KCND2: variants seen among roughly 807,000 people sequenced by gnomAD.
KCND2 encodes the protein A-type voltage-gated potassium channel KCND2.
A neutral mutation model predicts 54.4 loss-of-function variants in KCND2; 16 were observed. The ratio of observed to expected loss-of-function variants is 0.29; its 90% CI spans 0.20 to 0.45. The LOEUF is 0.45. Among genes scored for constraint, KCND2 ranks in the 20% least tolerant of loss-of-function variants. The pLI is 1.00. For missense variants in KCND2, 486 were observed against 824.2 expected (o/e 0.59, Z 5.02); for synonymous variants, 317 against 310.7 (o/e 1.02, Z -0.21).
intron 1 of KCND2, among the ~76,000 whole-genome samples, chr7:120,512,541 TAATC>T (rs1449668276): frequency 6.6e-6 from 1 of 152,020 alleles, no homozygotes; most frequent in Non-Finnish European, 1.5e-5. Flanking sequence ...ATCAAATAAT[TAATC>T]ATTCATTGCC....
intron 1 of KCND2, among the ~76,000 whole-genome samples, chr7:120,319,886 G>T (rs910238402): frequency 6.6e-6 from 1 of 151,870 alleles, no homozygotes; most frequent in Non-Finnish European, 1.5e-5. Context: ...TGCTTTTAAA[G>T]CCATGCAGTT....
intron 1 of KCND2, among the ~76,000 whole-genome samples, chr7:120,407,462 T>C (rs2116097625): frequency 6.6e-6 from 1 of 152,118 alleles, no homozygotes; most frequent in South Asian, 2.1e-4. Context: ...ACTGTAGTGT[T>C]TAGGCACATG....
chr7:120,732,913 A>G lies in KCND2; in HGVS notation c.1126A>G (p.Met376Val). 1 of 1,613,348 alleles carries G rather than the reference A, an allele frequency of 6.2e-7. No individual in the cohort carries two copies. The change falls in exon 2 of 6, where the codon ATG (methionine) becomes GTG (valine). Residue 376 changes from methionine to valine, a missense_variant. Around this residue, in one of 7 missense-constraint regions of KCND2, gnomAD observed 7 missense variants for 41.0 expected, o/e 0.17. Coordinates refer to ENST00000331113, the MANE Select transcript of KCND2 (RefSeq NM_012281.3). ...TTTTCTTTAACTCAGGTATGGTGACATGGTGCCAAAAACCATAGCAGGGAA... is the reference window on the plus strand; with the variant it reads ...TTTTCTTTAACTCAGGTATGGTGACGTGGTGCCAAAAACCATAGCAGGGAA... ...VTMTTLGYGD[M>V]VPKTIAGKIF...
At chr7:120,454,728 G>C (rs551376074) in intron 1 of KCND2, among the ~76,000 whole-genome samples, 1 of 151,962 alleles carries the variant, frequency 6.6e-6, no homozygotes, top group South Asian at 2.1e-4. Flanking sequence ...AATAGTAAGA[G>C]AGAAAGTCAT....
chr7:120,672,856 G>T (rs1392870343), intron 1 of KCND2: 1 of 152,104 alleles, frequency 6.6e-6, no homozygotes, highest in Non-Finnish European at 1.5e-5. Flanking sequence ...CTTATACAAA[G>T]AGGAAATTTC....
intron 1 of KCND2, among the ~76,000 whole-genome samples, chr7:120,604,155 A>G (rs1792848735): frequency 6.6e-6 from 1 of 152,150 alleles, no homozygotes; most frequent in Admixed American, 6.6e-5. Flanking sequence ...TGCTGCTACT[A>G]TGTAAGTGAG....
At chr7:120,404,507 A>G (rs12672579) in intron 1 of KCND2, among the ~76,000 whole-genome samples, 9,989 of 152,240 alleles carry the variant, frequency 0.066, 1,086 homozygotes, top group East Asian at 0.53. Context: ...AAAATGAGAA[A>G]AATTCATAGA....
intron 1 of KCND2, among the ~76,000 whole-genome samples, chr7:120,568,883 G>A (rs1464161464): frequency 6.6e-6 from 1 of 151,998 alleles, no homozygotes; most frequent in Non-Finnish European, 1.5e-5. Context: ...ATAAGGGCAG[G>A]GGCATATCTT....
chr7:120,624,079 G>A (rs1793135490), intron 1 of KCND2, among the ~76,000 whole-genome samples: 1 of 152,152 alleles, frequency 6.6e-6, no homozygotes, highest in Non-Finnish European at 1.5e-5. Context: ...GTATAAAATT[G>A]TCAATGGCAA....
At chr7:120,417,957 G>T (rs1481420824) in intron 1 of KCND2, among the ~76,000 whole-genome samples, 2 of 152,082 alleles carry the variant, frequency 1.3e-5, no homozygotes, top group Non-Finnish European at 2.9e-5. Flanking sequence ...TTAGAAATAG[G>T]ATAAAATATT....
chr7:120,673,912 T>A (rs1395673880), intron 1 of KCND2, among the ~76,000 whole-genome samples: 7 of 151,634 alleles, frequency 4.6e-5, no homozygotes, highest in Non-Finnish European at 7.4e-5. Context: ...TTTATTTATT[T>A]TTTTTTTTTT....
chr7:120,583,411 A>G (rs1792545271), intron 1 of KCND2, among the ~76,000 whole-genome samples: 1 of 152,116 alleles, frequency 6.6e-6, no homozygotes, highest in East Asian at 1.9e-4. Context: ...GAGCATGTAT[A>G]TGTGTGTGTG....
chr7:120,534,782 AG>A (rs748692855), intron 1 of KCND2, among the ~76,000 whole-genome samples: 13 of 152,178 alleles, frequency 8.5e-5, no homozygotes, highest in South Asian at 2.1e-4. Context: ...AATAAAAAAA[AG>A]GTTATTTAAA....
At chr7:120,499,452 T>G (rs1447409087) in intron 1 of KCND2, among the ~76,000 whole-genome samples, 1 of 152,152 alleles carries the variant, frequency 6.6e-6, no homozygotes. Context: ...TTATTTCTAT[T>G]TTGTGCACTG....
At chr7:120,357,954 A>AC (rs1237072035) in intron 1 of KCND2, among the ~76,000 whole-genome samples, 22 of 152,154 alleles carry the variant, frequency 1.4e-4, no homozygotes, top group Non-Finnish European at 1.5e-5. Flanking sequence ...GTTTGGAGGG[A>AC]CACAGTTCAG....
intron 1 of KCND2, among the ~76,000 whole-genome samples, chr7:120,302,475 T>G (rs532263896): frequency 6.6e-6 from 1 of 152,238 alleles, no homozygotes; most frequent in African/African-American, 2.4e-5. Flanking sequence ...TTTGCCATGT[T>G]GCCCACACTA....
chr7:120,442,160 C>T (rs1267451154), intron 1 of KCND2, among the ~76,000 whole-genome samples: 1 of 152,048 alleles, frequency 6.6e-6, no homozygotes, highest in East Asian at 1.9e-4. Flanking sequence ...TAGAATCCCC[C>T]ACGAACTGCC....
At chr7:120,521,868 G>A (rs912495401) in intron 1 of KCND2, among the ~76,000 whole-genome samples, 10 of 152,086 alleles carry the variant, frequency 6.6e-5, no homozygotes, top group Non-Finnish European at 1.3e-4. Flanking sequence ...TGGGTAGGTT[G>A]GGAGAAAACT....
chr7:120,485,054 CTTT>C (rs1802674292), intron 1 of KCND2, among the ~76,000 whole-genome samples: 1 of 151,704 alleles, frequency 6.6e-6, no homozygotes, highest in African/African-American at 2.4e-5. Flanking sequence ...TCCCAGCTAA[CTTT>C]TTTTATTTTT....
Sources: gnomAD v4.1 joint callset for allele counts (sites outside exome capture counted in the v4.1 genomes callset) on GRCh38, gnomAD v4.1.1 for gene constraint, gnomAD v4.1.1 regional missense constraint, MANE v1.5 for transcripts, NCBI Gene and HGNC (gene_info 2026-07-23, HGNC 2026-07-21) for gene names.